The following KCNIP3 variants were observed in gnomAD, a reference collection of about 807,000 sequenced individuals.
KCNIP3 encodes the protein calsenilin.
Under a neutral mutation model 35.0 loss-of-function variants are expected in KCNIP3, and 28 were observed. That is an observed-to-expected ratio of 0.80 (90% CI 0.59 to 1.10). KCNIP3 has a LOEUF of 1.10. Among genes scored for constraint, KCNIP3 ranks in the 50% least tolerant of loss-of-function variants. KCNIP3 has a pLI of 0.00. For synonymous variants in KCNIP3, 134 were observed against 133.8 expected (o/e 1.00, Z -0.01); for missense variants, 295 against 338.4 (o/e 0.87, Z 1.01).
At chr2:95,314,536 T>G (rs963892713) in intron 2 of KCNIP3, among the ~76,000 whole-genome samples, 7 of 152,178 alleles carry the variant, frequency 4.6e-5, no homozygotes, top group African/African-American at 1.7e-4. Flanking sequence ...CCCACTGACT[T>G]TCATCACTGT....
chr2:95,312,386 C>T (rs1678343590), intron 2 of KCNIP3: 1 of 152,332 alleles, frequency 6.6e-6, no homozygotes, highest in Admixed American at 6.5e-5. Flanking sequence ...GGGGGACCAC[C>T]CCTGCACGGC....
rs7582097 is a variant in KCNIP3 at position 95,338,981 on chromosome 2, G to C, written c.181+28461G>C. On this transcript the variant is annotated intron_variant, in intron 2 of 8. Coordinates refer to ENST00000295225, the MANE Select transcript of KCNIP3 (RefSeq NM_013434.5). The stretch of plus-strand genomic sequence containing the variant: ...GACTTGTCTAAGCCCCACCCAAAGA[G>C]AGACCCATCTGTACAGGCCGATGGG... Among the ~76,000 whole-genome samples, 945 of 152,328 alleles carry C rather than the reference G, an allele frequency of 6.2e-3. 10 individuals are homozygous for C. The highest frequency in any genetic ancestry group is 0.022 in the African/African-American group (894 of 41,576).
chr2:95,378,081 T>A lies in KCNIP3; in HGVS notation c.447+2873T>A, dbSNP rs751459624. On this transcript the variant is annotated intron_variant, in intron 5 of 8. Coordinates refer to ENST00000295225, the MANE Select transcript of KCNIP3 (RefSeq NM_013434.5). This position sits in a 1 kb window ranked among gnomAD's most constrained non-coding sequence, Gnocchi z 4.0. ...ACCATGCCCAAGCTTCAGTGATTATTATTCCCTAAACTTGGGCATAGTAGA... is the reference window on the plus strand; with the variant it reads ...ACCATGCCCAAGCTTCAGTGATTATAATTCCCTAAACTTGGGCATAGTAGA... Among the ~76,000 whole-genome samples, 5 of 152,226 alleles carry A rather than the reference T, an allele frequency of 3.3e-5. No individual in the cohort carries two copies. The highest frequency in any genetic ancestry group is 1.2e-4 in the African/African-American group (5 of 41,466).
At chr2:95,355,586 A>G (rs1322407336) in intron 2 of KCNIP3, among the ~76,000 whole-genome samples, 2 of 152,146 alleles carry the variant, frequency 1.3e-5, no homozygotes, top group East Asian at 3.9e-4. Context: ...GTGAGTGAGA[A>G]CATGCGGTGT....
chr2:95,378,887 CACACACACACATATATATAT>C lies in KCNIP3; in HGVS notation c.448-2707_448-2688del, dbSNP rs1312881515. Among the ~76,000 whole-genome samples, 1 of 151,142 alleles carries C rather than the reference CACACACACACATATATATAT, an allele frequency of 6.6e-6. No homozygotes were observed. ...ATATACACACACACACATATATATACACACACACACATATATATATATATATTCATTGTCTTCAGTTATAC... is the reference window on the plus strand; with the variant it reads ...ATATACACACACACACATATATATACATATATTCATTGTCTTCAGTTATAC... On this transcript the variant is annotated intron_variant, in intron 5 of 8. Transcript: ENST00000295225. This position sits in a 1 kb window ranked among gnomAD's most constrained non-coding sequence, Gnocchi z 4.0.
chr2:95,302,044 AG>A (rs1678046897), intron 1 of KCNIP3, among the ~76,000 whole-genome samples: 1 of 152,142 alleles, frequency 6.6e-6, no homozygotes, highest in East Asian at 1.9e-4. Flanking sequence ...GGCTCCCCAA[AG>A]CTTCCCCATT....
intron 2 of KCNIP3, among the ~76,000 whole-genome samples, chr2:95,352,939 G>A (rs2104275432): frequency 6.6e-6 from 1 of 152,238 alleles, no homozygotes; most frequent in East Asian, 1.9e-4. Context: ...GGCTGAAGAG[G>A]GTGTGCAGCT....
chr2:95,383,125 CCACCCACCCGCCCA>C, intron 7 of KCNIP3, 93 bp from the exon 8 acceptor site: 6 of 332,574 alleles, frequency 1.8e-5, no homozygotes, highest in Non-Finnish European at 3.6e-5. Flanking sequence ...ACCCGCCCAT[CCACCCACCCGCCCA>C]TCCACCCACC....
chr2:95,318,675 C>T (rs1211153923), intron 2 of KCNIP3, among the ~76,000 whole-genome samples: 1 of 152,222 alleles, frequency 6.6e-6, no homozygotes, highest in Admixed American at 6.5e-5. Context: ...GAAGCAGGCA[C>T]AGGGGTGGTG....
At chr2:95,310,139 C>A in intron 1 of KCNIP3, 1 of 682,372 alleles carries the variant, frequency 1.5e-6, no homozygotes, top group Non-Finnish European at 2.7e-6. Flanking sequence ...TCCAGGGGTC[C>A]CATCTTACAC....
At chr2:95,373,192 G>A (rs1241663553) in intron 2 of KCNIP3, among the ~76,000 whole-genome samples, 1 of 152,200 alleles carries the variant, frequency 6.6e-6, no homozygotes, top group Admixed American at 6.5e-5. Context: ...TCCTGGGTCT[G>A]TGGGAAGGTG....
intron 2 of KCNIP3, chr2:95,311,166 C>A: frequency 6.3e-6 from 1 of 157,820 alleles, no homozygotes; most frequent in Non-Finnish European, 1.4e-5. Flanking sequence ...TCATGCGGCC[C>A]CCACGATCTC....
chr2:95,355,155 G>A lies in KCNIP3; in HGVS notation c.182-19141G>A, dbSNP rs547392819. 19 of 152,262 alleles carry A rather than the reference G, an allele frequency of 1.2e-4. No individual in the cohort carries two copies. In the East Asian group the frequency reaches 2.1e-3, roughly 17 times the overall value. The allele number at this position is 152,262 out of a possible 1,614,324, so 9.4% of individuals were successfully genotyped here. On this transcript the variant is annotated intron_variant, in intron 2 of 8. Coordinates refer to ENST00000295225, the MANE Select transcript of KCNIP3 (RefSeq NM_013434.5). ...CAGCTGCAGGGCCTTGGGGACCACC[G>A]GAGATGGTTGTGTGTGTCCCAGCCT...
intron 2 of KCNIP3, among the ~76,000 whole-genome samples, chr2:95,352,351 C>T (rs1161121922): frequency 2.0e-5 from 3 of 152,072 alleles, no homozygotes; most frequent in African/African-American, 7.2e-5. Flanking sequence ...GGAGAAAGAG[C>T]AGGGTCAGGA....
Position 95,384,171 on chromosome 2 carries a change from C to CA in KCNIP3, c.*123dup, listed in dbSNP as rs796370106. 2.4e-6 allele frequency: 1 copy of CA among 414,186 alleles called. No individual in the cohort carries two copies. Among genetic ancestry groups the CA allele is most frequent in the African/African-American group, 2.5e-5 (1 of 40,660 alleles). 25.7% of individuals were successfully genotyped at this position (414,186 alleles called of 1,614,324 possible). Reference sequence around the variant, plus strand: ...TTTGCAAAAAGTGAACAGATTGCTACACACACACACACACACACACACACA... The same window carrying CA: ...TTTGCAAAAAGTGAACAGATTGCTACAACACACACACACACACACACACACA... On this transcript the variant is annotated 3_prime_UTR_variant, in exon 9 of 9. Coordinates refer to ENST00000295225, the MANE Select transcript of KCNIP3 (RefSeq NM_013434.5).
intron 2 of KCNIP3, among the ~76,000 whole-genome samples, chr2:95,333,925 C>T (rs1471519204): frequency 6.6e-6 from 1 of 152,184 alleles, no homozygotes; most frequent in African/African-American, 2.4e-5. Context: ...CTGCATTCAG[C>T]TGACACAGGC....
intron 7 of KCNIP3, 28 bp from the exon 8 acceptor site, chr2:95,383,204 C>T (rs1299077786): frequency 6.3e-7 from 1 of 1,578,592 alleles, no homozygotes; most frequent in Non-Finnish European, 8.6e-7. Flanking sequence ...GGGGCACAGA[C>T]TCACTTTGGG....
intron 2 of KCNIP3, among the ~76,000 whole-genome samples, chr2:95,315,762 C>T (rs917118617): frequency 6.6e-6 from 1 of 151,410 alleles, no homozygotes; most frequent in Non-Finnish European, 1.5e-5. Context: ...CAGACGGCTT[C>T]GAGACCGTAG....
intron 5 of KCNIP3, 32 bp from the exon 6 acceptor site, chr2:95,381,564 A>G (rs761720632): frequency 6.7e-7 from 1 of 1,498,772 alleles, no homozygotes; most frequent in South Asian, 1.1e-5. Flanking sequence ...CATTGATTGG[A>G]TGTCACGCCC....
Sources: allele counts gnomAD v4.1 joint callset (sites outside exome capture counted in the v4.1 genomes callset), GRCh38; gene constraint gnomAD v4.1.1; non-coding constraint Gnocchi (gnomAD v3.1); transcripts MANE v1.5; gene names NCBI Gene and HGNC (gene_info 2026-07-23, HGNC 2026-07-21).